The following CTNNA2 variants were observed in gnomAD, a reference collection of about 807,000 sequenced individuals.
CTNNA2 encodes the protein catenin alpha-2.
Under a neutral mutation model 101.0 loss-of-function variants are expected in CTNNA2, and 42 were observed. That is an observed-to-expected ratio of 0.42 (90% CI 0.32 to 0.54). The LOEUF (loss-of-function observed/expected upper bound fraction) is 0.54, where lower values mean the gene tolerates loss of function less well. Ranked by LOEUF, CTNNA2 falls within the 20% of genes least tolerant of loss-of-function variation. The probability of loss-of-function intolerance (pLI) is 0.14; values close to 1 mark genes in which losing one functional copy is unlikely to be tolerated. For missense variants in CTNNA2, 871 were observed against 1,223.1 expected, an observed-to-expected ratio of 0.71 and a Z score of 4.29; for synonymous variants, 450 against 456.4, an observed-to-expected ratio of 0.99 and a Z score of 0.18.
intron 7 of CTNNA2, among the ~76,000 whole-genome samples, chr2:79,933,672 C>A (rs1477312575): frequency 6.6e-6 from 1 of 152,080 alleles, no homozygotes; most frequent in African/African-American, 2.4e-5. Context: ...CCAGGCTGGT[C>A]TCGAACTCCT....
chr2:80,322,429 A>G (rs540193453), intron 7 of CTNNA2, among the ~76,000 whole-genome samples: 26 of 152,260 alleles, frequency 1.7e-4, no homozygotes, highest in Admixed American at 1.4e-3. Flanking sequence ...GAACCTATTT[A>G]CCATTGTCAT....
chr2:79,628,340 C>G (rs992762539), intron 1 of CTNNA2, among the ~76,000 whole-genome samples: 7 of 151,946 alleles, frequency 4.6e-5, no homozygotes, highest in African/African-American at 1.7e-4. Context: ...GTAATCCTAG[C>G]TGCTCAGGAG....
In CTNNA2 at chr2:80,574,300, G is replaced by A. The variant is rs934695419; in HGVS notation, c.1879G>A (p.Val627Met). The change falls in exon 13 of 19, where the codon GTG (valine) becomes ATG (methionine). Residue 627 changes from valine to methionine, a missense_variant. Coordinates refer to ENST00000402739, the MANE Select transcript of CTNNA2 (RefSeq NM_001282597.3). The part of the protein sequence containing the change: ...YDGVRDIRKA[V>M]LMIRTPEELE... ...TGGCGTTCGGGACATCAGAAAGGCT[G>A]TGCTGATGATCAGGGTATGTGAGGC... 30 of 1,612,244 alleles carry A rather than the reference G, an allele frequency of 1.9e-5. No homozygotes were observed. Among genetic ancestry groups the A allele is most frequent in the African/African-American group, 9.3e-5 (7 of 74,902 alleles).
intron 4 of CTNNA2, among the ~76,000 whole-genome samples, chr2:79,381,041 T>A (rs1678032755): frequency 6.6e-6 from 1 of 152,218 alleles, no homozygotes; most frequent in South Asian, 2.1e-4. Context: ...TTTTCTTGGA[T>A]TTTTGTAGAA....
chr2:79,630,329 C>T (rs368838530), intron 1 of CTNNA2, among the ~76,000 whole-genome samples: 2 of 152,296 alleles, frequency 1.3e-5, no homozygotes, highest in South Asian at 2.1e-4. Context: ...TGTGTTGTTA[C>T]TCAGTCACCT....
chr2:79,857,399 G>C (rs1404024229), intron 3 of CTNNA2, among the ~76,000 whole-genome samples: 1 of 152,212 alleles, frequency 6.6e-6, no homozygotes, highest in Non-Finnish European at 1.5e-5. Context: ...TGTAATGGCA[G>C]AGCCTAGTAC....
At chr2:79,390,952 T>C (rs958744141) in intron 4 of CTNNA2, among the ~76,000 whole-genome samples, 5 of 152,070 alleles carry the variant, frequency 3.3e-5, no homozygotes, top group African/African-American at 1.2e-4. Flanking sequence ...AAGATAGAAG[T>C]TCTTAAGGAG....
intron 3 of CTNNA2, among the ~76,000 whole-genome samples, chr2:79,762,845 G>A (rs1424355472): frequency 2.0e-5 from 3 of 152,124 alleles, no homozygotes; most frequent in South Asian, 4.1e-4. Context: ...ATGAGGTTTA[G>A]TTTTTCATAT....
Position 80,303,868 on chromosome 2 carries a change from C to A in CTNNA2, c.1057-89343C>A, listed in dbSNP as rs751326524. 1.4e-6 allele frequency: 2 copies of A among 1,466,308 alleles called. No individual in the cohort carries two copies. Among genetic ancestry groups the A allele is most frequent in the Admixed American group, 4.8e-5 (2 of 41,314 alleles). 90.8% of individuals were successfully genotyped at this position (1,466,308 alleles called of 1,614,324 possible). Reference sequence around the variant, plus strand: ...CTGGAGAATGTCCATTGGAAGCGCTCGGTCAGAAATCTACATCATATTTTA... The same window carrying A: ...CTGGAGAATGTCCATTGGAAGCGCTAGGTCAGAAATCTACATCATATTTTA... On this transcript the variant is annotated intron_variant, in intron 7 of 18. Transcript: ENST00000402739. This position sits in a 1 kb window ranked among gnomAD's most constrained non-coding sequence, Gnocchi z 7.7.
intron 1 of CTNNA2, among the ~76,000 whole-genome samples, chr2:79,193,482 A>T (rs1371542601): frequency 2.0e-5 from 3 of 152,204 alleles, no homozygotes; most frequent in Non-Finnish European, 2.9e-5. Flanking sequence ...TCATGTACCC[A>T]AAGTATGTAG....
At chr2:79,984,492 C>T (rs1479069936) in intron 7 of CTNNA2, among the ~76,000 whole-genome samples, 1 of 152,176 alleles carries the variant, frequency 6.6e-6, no homozygotes, top group Non-Finnish European at 1.5e-5. Context: ...TCCTTTTCAT[C>T]TCCTACATCC....
At chr2:79,367,563 C>G (rs566959588) in intron 3 of CTNNA2, among the ~76,000 whole-genome samples, 37 of 152,116 alleles carry the variant, frequency 2.4e-4, no homozygotes, top group Non-Finnish European at 4.4e-4. Flanking sequence ...ATGAAGCCTT[C>G]TAGACCACTG....
At chr2:79,579,236 C>T (rs1675995590) in intron 1 of CTNNA2, among the ~76,000 whole-genome samples, 1 of 145,514 alleles carries the variant, frequency 6.9e-6, no homozygotes, top group Non-Finnish European at 1.5e-5. Context: ...CCCTTCCCTT[C>T]CCTTCCTTCC....
chr2:79,839,447 A>G (rs1421303056), intron 3 of CTNNA2, among the ~76,000 whole-genome samples: 1 of 152,004 alleles, frequency 6.6e-6, no homozygotes, highest in African/African-American at 2.4e-5. Flanking sequence ...TGAATAAGAG[A>G]ATTTATTTTA....
At chr2:80,549,843 T>C (rs947434447) in intron 11 of CTNNA2, among the ~76,000 whole-genome samples, 4 of 152,202 alleles carry the variant, frequency 2.6e-5, no homozygotes, top group African/African-American at 9.6e-5. Flanking sequence ...CAAATGTGAA[T>C]GAAGTGTGTA....
At chr2:79,614,595 C>G (rs780539110) in intron 1 of CTNNA2, among the ~76,000 whole-genome samples, 2 of 152,064 alleles carry the variant, frequency 1.3e-5, no homozygotes, top group African/African-American at 2.4e-5. Flanking sequence ...TTAAAATGCT[C>G]TAAGTACTAC....
intron 7 of CTNNA2, among the ~76,000 whole-genome samples, chr2:80,355,177 T>C (rs1011895901): frequency 6.6e-6 from 1 of 152,166 alleles, no homozygotes; most frequent in Non-Finnish European, 1.5e-5. Flanking sequence ...TTCTCTCTTT[T>C]TTTCCTTAGT....
chr2:79,877,275 G>A (rs1379369567), intron 6 of CTNNA2, among the ~76,000 whole-genome samples: 1 of 152,066 alleles, frequency 6.6e-6, no homozygotes, highest in Non-Finnish European at 1.5e-5. Flanking sequence ...TCCATTTGAT[G>A]TGGTTCCCTA....
intron 7 of CTNNA2, among the ~76,000 whole-genome samples, chr2:79,927,233 T>C (rs1403458338): frequency 6.6e-6 from 1 of 152,188 alleles, no homozygotes; most frequent in East Asian, 1.9e-4. Context: ...TAGGCAGTTA[T>C]TAAATTTTTA....
Sources: gnomAD v4.1 joint callset for allele counts (sites outside exome capture counted in the v4.1 genomes callset) on GRCh38, gnomAD v4.1.1 for gene constraint, Gnocchi (gnomAD v3.1) non-coding constraint, MANE v1.5 for transcripts, NCBI Gene and HGNC (gene_info 2026-07-23, HGNC 2026-07-21) for gene names.